The following LUZP2 variants were observed in gnomAD, a reference collection of about 807,000 sequenced individuals.
LUZP2 encodes leucine zipper protein 2.
LUZP2 carries 52 observed loss-of-function variants against 51.6 expected under a neutral mutation model. The observed-to-expected ratio is 1.01, with a 90% confidence interval of 0.81 to 1.27. The LOEUF is 1.27. LUZP2 is among the 50% of genes most tolerant of loss of function. The pLI, the probability that LUZP2 is intolerant of heterozygous loss-of-function variation, is 0.00. For missense variants in LUZP2, 436 were observed against 395.4 expected (o/e 1.10, Z -0.87); for synonymous variants, 154 against 137.3 (o/e 1.12, Z -0.85).
chr11:24,586,762 A>G (rs1384951202), intron 1 of LUZP2, among the ~76,000 whole-genome samples: 1 of 152,086 alleles, frequency 6.6e-6, no homozygotes, highest in Non-Finnish European at 1.5e-5. Flanking sequence ...ATTAATCCTC[A>G]CTAGGAAACC....
chr11:24,565,212 T>C (rs1282395532), intron 1 of LUZP2, among the ~76,000 whole-genome samples: 1 of 152,170 alleles, frequency 6.6e-6, no homozygotes, highest in Admixed American at 6.6e-5. Context: ...TGTCTAGGAC[T>C]GGCTGTAAAG....
chr11:24,620,012 ATTC>A (rs1379275627), intron 1 of LUZP2, among the ~76,000 whole-genome samples: 6 of 152,086 alleles, frequency 3.9e-5, no homozygotes, highest in Admixed American at 3.9e-4. Context: ...TTCTATTTCT[ATTC>A]TTCTCTATTT....
chr11:24,914,560 T>C (rs1853738591), intron 7 of LUZP2, 22 bp downstream of exon 7: 4 of 1,520,312 alleles, frequency 2.6e-6, no homozygotes, highest in Non-Finnish European at 3.6e-6. Flanking sequence ...TTCTCTCTTT[T>C]CCCTGAAACT....
chr11:24,901,749 C>G (rs1024678658), intron 5 of LUZP2, among the ~76,000 whole-genome samples: 2 of 152,114 alleles, frequency 1.3e-5, no homozygotes, highest in Admixed American at 1.3e-4. Context: ...TCCCTCTACC[C>G]GTGATAGCTC....
At chr11:24,585,272 C>A (rs1165532915) in intron 1 of LUZP2, among the ~76,000 whole-genome samples, 1 of 152,014 alleles carries the variant, frequency 6.6e-6, no homozygotes, top group Admixed American at 6.6e-5. Context: ...AAGAGGACCT[C>A]ACTATTGTTT....
At chr11:25,064,655 C>G (rs1194464469) in intron 10 of LUZP2, among the ~76,000 whole-genome samples, 1 of 151,900 alleles carries the variant, frequency 6.6e-6, no homozygotes, top group Non-Finnish European at 1.5e-5. Flanking sequence ...TGAAAATAGC[C>G]TAAGATTGTG....
rs528302512 is a variant in LUZP2 at position 25,078,657 on chromosome 11, A to G, written c.1040A>G (p.Ter347=). ...GCAGCTAGAGAAGAAAAAATACTGT[A>G]AATACTAAGAAACTGTGTTAAAAAC... ...GMAAREEKIL[*] Residue 347 remains the stop codon, a stop_retained_variant, in exon 12 of 12, where the codon TAA becomes TGA. Coordinates refer to ENST00000336930, the MANE Select transcript of LUZP2 (RefSeq NM_001009909.4). The G allele has an allele frequency of 1.9e-6, 3 of 1,592,756 alleles. No homozygotes were observed. The highest frequency in any genetic ancestry group is 2.7e-5 in the African/African-American group (2 of 73,784).
chr11:24,969,276 C>T (rs1855678592), intron 7 of LUZP2, among the ~76,000 whole-genome samples: 1 of 151,982 alleles, frequency 6.6e-6, no homozygotes, highest in African/African-American at 2.4e-5. Flanking sequence ...GTTTTCTGTT[C>T]CTGTGTTAGT....
In LUZP2 at chr11:24,891,206, C is replaced by T; in HGVS notation, c.397-14785C>T. 6.1e-6 allele frequency: 6 copies of T among 984,700 alleles called. No homozygotes were observed. In the South Asian group the frequency reaches 2.4e-4, roughly 39 times the overall value. 61.0% of individuals were successfully genotyped at this position (984,700 alleles called of 1,614,324 possible). On this transcript the variant is annotated intron_variant, in intron 5 of 11. Coordinates refer to ENST00000336930, the MANE Select transcript of LUZP2 (RefSeq NM_001009909.4). The stretch of plus-strand genomic sequence containing the variant: ...GTGAGCTAGAGTGTGATGAAGCATA[C>T]CCTTGTCAACTTTGGTGATAAGGCA...
At chr11:24,570,485 T>C (rs1288461310) in intron 1 of LUZP2, among the ~76,000 whole-genome samples, 1 of 152,072 alleles carries the variant, frequency 6.6e-6, no homozygotes, top group African/African-American at 2.4e-5. Context: ...TAAAATAGCT[T>C]GTACATCTTG....
chr11:24,898,309 TAGC>T (rs1189044392), intron 5 of LUZP2, among the ~76,000 whole-genome samples: 10 of 152,040 alleles, frequency 6.6e-5, no homozygotes, highest in African/African-American at 2.4e-4. Flanking sequence ...TCTGGCCAAA[TAGC>T]AGTAACATCA....
At chr11:24,904,814 A>G (rs1853398156) in intron 5 of LUZP2, among the ~76,000 whole-genome samples, 1 of 152,172 alleles carries the variant, frequency 6.6e-6, no homozygotes, top group Admixed American at 6.5e-5. Context: ...ATTAAAGTAT[A>G]TAAAGTGGTT....
At chr11:24,969,839 C>T (rs957269887) in intron 7 of LUZP2, among the ~76,000 whole-genome samples, 6 of 152,190 alleles carry the variant, frequency 3.9e-5, no homozygotes, top group African/African-American at 1.2e-4. Flanking sequence ...TTATTACTCA[C>T]ATTTTAGGAG....
chr11:24,958,515 A>C (rs1439559309), intron 7 of LUZP2, among the ~76,000 whole-genome samples: 3 of 151,920 alleles, frequency 2.0e-5, no homozygotes, highest in Non-Finnish European at 4.4e-5. Flanking sequence ...GATGATGAGC[A>C]TTTTTTCATG....
intron 4 of LUZP2, among the ~76,000 whole-genome samples, chr11:24,747,269 T>C (rs1025177757): frequency 1.3e-5 from 2 of 152,192 alleles, no homozygotes; most frequent in South Asian, 4.1e-4. Flanking sequence ...CTCGTTTTCC[T>C]GTGGATGTTC....
At chr11:24,618,889 T>C (rs567533177) in intron 1 of LUZP2, among the ~76,000 whole-genome samples, 101 of 152,282 alleles carry the variant, frequency 6.6e-4, no homozygotes, top group African/African-American at 2.4e-3. Flanking sequence ...ATGCAATTTT[T>C]CATTTATAAA....
chr11:24,750,132 C>T (rs963423182), intron 4 of LUZP2, among the ~76,000 whole-genome samples: 1 of 152,136 alleles, frequency 6.6e-6, no homozygotes, highest in Admixed American at 6.5e-5. Flanking sequence ...TTATTCAGAA[C>T]CTGGGGAAGT....
intron 1 of LUZP2, among the ~76,000 whole-genome samples, chr11:24,614,112 T>G (rs1854211188): frequency 6.6e-6 from 1 of 152,002 alleles, no homozygotes; most frequent in Non-Finnish European, 1.5e-5. Flanking sequence ...AGATGCTTGG[T>G]GAGTAGATTT....
At chr11:24,678,032 G>T (rs553268159) in intron 1 of LUZP2, among the ~76,000 whole-genome samples, 3 of 122,712 alleles carry the variant, frequency 2.4e-5, no homozygotes, top group Non-Finnish European at 4.9e-5. Flanking sequence ...GCGAGACTCC[G>T]TCAAAAAAAA....
Sources: gnomAD v4.1 joint callset for allele counts (sites outside exome capture counted in the v4.1 genomes callset) on GRCh38, gnomAD v4.1.1 for gene constraint, MANE v1.5 for transcripts, NCBI Gene and HGNC (gene_info 2026-07-23, HGNC 2026-07-21) for gene names.